CSTF3: variants seen among roughly 807,000 people sequenced by gnomAD.
The protein encoded by CSTF3 is CF-1 77 kDa subunit.
CSTF3 carries 29 observed loss-of-function variants against 105.8 expected under a neutral mutation model. The ratio of observed to expected loss-of-function variants is 0.27; its 90% CI spans 0.20 to 0.37. The LOEUF (loss-of-function observed/expected upper bound fraction) is 0.37. CSTF3 is among the 10% of genes least tolerant of loss of function. CSTF3 has a pLI of 1.00. For synonymous variants in CSTF3, 252 were observed against 281.9 expected, an observed-to-expected ratio of 0.89 and a Z score of 1.06; for missense variants, 357 against 879.3, an observed-to-expected ratio of 0.41 and a Z score of 7.51.
chr11:33,097,362 G>A (rs191455249), intron 13 of CSTF3, among the ~76,000 whole-genome samples: 2 of 152,112 alleles, frequency 1.3e-5, no homozygotes, highest in East Asian at 1.9e-4. Context: ...ATACAAGCAC[G>A]TCTTACAATA....
intron 3 of CSTF3, among the ~76,000 whole-genome samples, chr11:33,111,948 A>T (rs1247578936): frequency 6.6e-6 from 1 of 152,178 alleles, no homozygotes; most frequent in African/African-American, 2.4e-5. Context: ...ATCATTCATT[A>T]AAAAAATACT....
intron 1 of CSTF3, among the ~76,000 whole-genome samples, chr11:33,152,162 G>A (rs964479815): frequency 1.3e-5 from 2 of 152,180 alleles, no homozygotes; most frequent in Non-Finnish European, 2.9e-5. Flanking sequence ...GGCTAAGGTG[G>A]GAGGATCCCT....
intron 1 of CSTF3, among the ~76,000 whole-genome samples, chr11:33,158,009 A>G (rs1849887717): frequency 6.6e-6 from 1 of 152,126 alleles, no homozygotes; most frequent in Non-Finnish European, 1.5e-5. Context: ...TCCATCCTTA[A>G]GGTGTTATTT....
rs542333263 is a variant in CSTF3 at position 33,131,448 on chromosome 11, T to C, written c.225+10219A>G. On this transcript the variant is annotated intron_variant, in intron 3 of 20. Coordinates refer to ENST00000323959, the MANE Select transcript of CSTF3 (RefSeq NM_001326.3). ...AACCTACTATATATTAATAGCTATT[T>C]CCACAATTATACTGTATTTTAGATT... Among the ~76,000 whole-genome samples, 399 of 152,304 alleles carry C rather than the reference T, an allele frequency of 2.6e-3. 1 individual carries two copies. Among genetic ancestry groups the C allele is most frequent in the Non-Finnish European group, 4.4e-3 (299 of 68,024 alleles).
chr11:33,124,105 TATA>T (rs972447576), intron 3 of CSTF3, among the ~76,000 whole-genome samples: 37 of 152,080 alleles, frequency 2.4e-4, no homozygotes, highest in African/African-American at 8.9e-4. Flanking sequence ...AAATTAGATG[TATA>T]ATATTGTCAA....
chr11:33,108,214 A>C (rs1855345198), intron 4 of CSTF3, among the ~76,000 whole-genome samples, 172 bp downstream of exon 4: 1 of 152,106 alleles, frequency 6.6e-6, no homozygotes, highest in East Asian at 1.9e-4. Flanking sequence ...CCTTTTCCAA[A>C]ACTTTTATGA....
intron 17 of CSTF3, among the ~76,000 whole-genome samples, chr11:33,088,461 G>C (rs1855130790): frequency 6.6e-6 from 1 of 151,854 alleles, no homozygotes; most frequent in African/African-American, 2.4e-5. Flanking sequence ...TTGTATTTTA[G>C]TAGAGACGGG....
intron 3 of CSTF3, among the ~76,000 whole-genome samples, chr11:33,128,274 C>T (rs1426224159): frequency 6.6e-6 from 1 of 151,984 alleles, no homozygotes; most frequent in East Asian, 1.9e-4. Flanking sequence ...TCCTCAATCG[C>T]TATGAAGACT....
At chr11:33,092,248 A>G in intron 16 of CSTF3, 23 bp downstream of exon 16, 3 of 1,559,294 alleles carry the variant, frequency 1.9e-6, no homozygotes, top group Non-Finnish European at 2.6e-6. Flanking sequence ...GAACCTGATC[A>G]ACAACTTTTC....
chr11:33,143,985 C>CA (rs944671124), intron 1 of CSTF3, among the ~76,000 whole-genome samples: 74 of 147,808 alleles, frequency 5.0e-4, no homozygotes, highest in African/African-American at 5.2e-4. Flanking sequence ...GACTACGTCT[C>CA]AAAAAAAAAA....
chr11:33,148,304 C>T (rs1325998806), intron 1 of CSTF3, among the ~76,000 whole-genome samples: 2 of 152,202 alleles, frequency 1.3e-5, no homozygotes, highest in African/African-American at 4.8e-5. Context: ...GTCCAAGCCT[C>T]GCCCTCAATC....
At chr11:33,135,855 T>C (rs58613575) in intron 3 of CSTF3, among the ~76,000 whole-genome samples, 1 of 152,202 alleles carries the variant, frequency 6.6e-6, no homozygotes, top group African/African-American at 2.4e-5. Flanking sequence ...AGCTGAAATG[T>C]TGCATTTAAA....
chr11:33,144,872 G>T (rs537529290), intron 1 of CSTF3: 8 of 252,210 alleles, frequency 3.2e-5, no homozygotes, highest in African/African-American at 1.9e-4. Flanking sequence ...TCACGTACTT[G>T]GGAAGCTGCG....
chr11:33,112,024 C>T (rs1047935245), intron 3 of CSTF3, among the ~76,000 whole-genome samples: 8 of 152,082 alleles, frequency 5.3e-5, no homozygotes, highest in Non-Finnish European at 1.0e-4. Flanking sequence ...GAGGCCAAGG[C>T]GGGCAGATCA....
intron 1 of CSTF3, among the ~76,000 whole-genome samples, chr11:33,147,437 A>G (rs1441929929): frequency 1.3e-5 from 2 of 151,944 alleles, no homozygotes; most frequent in Non-Finnish European, 2.9e-5. Flanking sequence ...TCTATTAAAA[A>G]TACAAAAATT....
intron 3 of CSTF3, among the ~76,000 whole-genome samples, chr11:33,113,504 A>G (rs1565008437): frequency 6.6e-6 from 1 of 152,096 alleles, no homozygotes; most frequent in Non-Finnish European, 1.5e-5. Flanking sequence ...GTGACACAGC[A>G]AGACCCTGTC....
chr11:33,108,118 TA>T, intron 4 of CSTF3, 118 bp from the exon 5 acceptor site: 1 of 641,848 alleles, frequency 1.6e-6, no homozygotes. Flanking sequence ...CTCTTATAAA[TA>T]AAAAGCAAAT....
chr11:33,098,976 A>G (rs1239596441), intron 12 of CSTF3, 58 bp downstream of exon 12: 1 of 1,524,924 alleles, frequency 6.6e-7, no homozygotes, highest in Non-Finnish European at 8.7e-7. Context: ...CCAGAAAAAA[A>G]GTTCAGTCCT....
intron 1 of CSTF3, among the ~76,000 whole-genome samples, chr11:33,155,082 C>T (rs1005477111): frequency 3.4e-4 from 52 of 152,036 alleles, no homozygotes; most frequent in African/African-American, 1.1e-3. Flanking sequence ...TTGGGCCGGG[C>T]ATGGTGGCTC....
Sources: gnomAD v4.1 joint callset for allele counts (sites outside exome capture counted in the v4.1 genomes callset) on GRCh38, gnomAD v4.1.1 for gene constraint, MANE v1.5 for transcripts, NCBI Gene and HGNC (gene_info 2026-07-23, HGNC 2026-07-21) for gene names.